Variants in KANSL1 observed in about 807,000 individuals in gnomAD.
KANSL1 encodes MLL1/MLL complex subunit KANSL1.
A neutral mutation model predicts 103.6 loss-of-function variants in KANSL1; 22 were observed. That is an observed-to-expected ratio of 0.21 (90% CI 0.15 to 0.30). KANSL1 has a LOEUF of 0.30. Among genes scored for constraint, KANSL1 ranks in the 10% least tolerant of loss-of-function variants. KANSL1 has a pLI of 1.00. For missense variants in KANSL1, 1,337 were observed against 1,399.8 expected (o/e 0.96, Z 0.72); for synonymous variants, 600 against 527.6 (o/e 1.14, Z -1.88).
upstream of KANSL1, among the ~76,000 whole-genome samples, chr17:46,197,010 A>G (rs1038954211): frequency 6.6e-6 from 1 of 152,174 alleles, no homozygotes; most frequent in Admixed American, 6.5e-5. Flanking sequence ...AGCTACTCAG[A>G]GGCTCAGGCA....
chr17:46,199,769 T>G (rs2047732459), intron 1 of KANSL1, among the ~76,000 whole-genome samples: 1 of 152,218 alleles, frequency 6.6e-6, no homozygotes, highest in Non-Finnish European at 1.5e-5. Context: ...CTGTTGTAGG[T>G]TAAACCTAAA....
chr17:46,129,951 C>T (rs1315664489), intron 2 of KANSL1, among the ~76,000 whole-genome samples: 2 of 151,938 alleles, frequency 1.3e-5, no homozygotes, highest in African/African-American at 4.8e-5. Context: ...TTTGGGAGGC[C>T]GACACAGGCA....
chr17:46,166,213 C>CCAAA (rs1555573289), intron 2 of KANSL1, among the ~76,000 whole-genome samples: 12 of 95,102 alleles, frequency 1.3e-4, no homozygotes, highest in Non-Finnish European at 2.1e-4. Flanking sequence ...GACTCTGTCT[C>CCAAA]AAAAAAAAAA....
At chr17:46,074,777 A>C (rs1270949014) in intron 4 of KANSL1, among the ~76,000 whole-genome samples, 1 of 111,268 alleles carries the variant, frequency 9.0e-6, no homozygotes, top group Non-Finnish European at 2.4e-5. Flanking sequence ...ATAAATAAAT[A>C]AATAAATAAA....
intron 4 of KANSL1, among the ~76,000 whole-genome samples, chr17:46,076,709 A>G (rs2146763318): frequency 6.6e-6 from 1 of 152,158 alleles, no homozygotes; most frequent in Middle Eastern, 3.4e-3. Flanking sequence ...CACTTATGTA[A>G]TCTTTTTCAG....
intron 2 of KANSL1, among the ~76,000 whole-genome samples, chr17:46,114,069 A>G (rs192631631): frequency 6.6e-6 from 1 of 152,306 alleles, no homozygotes; most frequent in Admixed American, 6.5e-5. Context: ...GATAAGAAAA[A>G]GATGCTCAGG....
At chr17:46,100,444 C>CAA (rs369274727) in intron 2 of KANSL1, among the ~76,000 whole-genome samples, 36 of 88,266 alleles carry the variant, frequency 4.1e-4, no homozygotes, top group African/African-American at 9.7e-4. Context: ...TCCCTCTCCC[C>CAA]AAAAAAAAAA....
At chr17:46,101,891 G>A (rs2042338306) in intron 2 of KANSL1, among the ~76,000 whole-genome samples, 1 of 151,822 alleles carries the variant, frequency 6.6e-6, no homozygotes, top group Admixed American at 6.6e-5. Flanking sequence ...ATAAATTCAG[G>A]AAACAAGTGT....
chr17:46,066,711 G>A lies in KANSL1; in HGVS notation c.1674C>T (p.Asp558=). ...CATCAGAGCTGTCACCTGGAATGTG[G>A]TCTGCCAAGACAGGCTGAAGACTAT... is the stretch of plus-strand genomic sequence containing the variant. ...VINTLQPVLA[D]HIPGDSSDAE... Residue 558 remains aspartate (D), a synonymous_variant, in exon 6 of 15, where the codon GAC becomes GAT. Coordinates refer to ENST00000432791, the MANE Select transcript of KANSL1 (RefSeq NM_015443.4). The A allele has an allele frequency of 1.2e-6, 2 of 1,613,930 alleles. No homozygotes were observed. The highest frequency in any genetic ancestry group is 8.5e-7 in the Non-Finnish European group (1 of 1,179,906).
At chr17:46,125,874 AAT>A (rs1471967404) in intron 2 of KANSL1, among the ~76,000 whole-genome samples, 1 of 152,370 alleles carries the variant, frequency 6.6e-6, no homozygotes, top group East Asian at 1.9e-4. Flanking sequence ...TAATACTAAA[AAT>A]AGTTACCTCT....
intron 4 of KANSL1, among the ~76,000 whole-genome samples, chr17:46,073,956 T>TTA (rs908904933): frequency 2.4e-4 from 36 of 152,030 alleles, no homozygotes; most frequent in South Asian, 1.3e-3. Flanking sequence ...TTACGGTTTT[T>TTA]TATATATATA....
chr17:46,145,764 T>A (rs904953567), intron 2 of KANSL1, among the ~76,000 whole-genome samples: 3 of 152,248 alleles, frequency 2.0e-5, no homozygotes, highest in Non-Finnish European at 4.4e-5. Flanking sequence ...AGTGACTCTC[T>A]GTCACCCAGG....
chr17:46,215,814 G>T (rs2048322150), intron 1 of KANSL1, among the ~76,000 whole-genome samples: 2 of 152,220 alleles, frequency 1.3e-5, no homozygotes, highest in African/African-American at 4.8e-5. Context: ...GCTGAGGCAG[G>T]TGGATCACCT....
In KANSL1 at chr17:46,171,848, T is replaced by C. The variant is rs754727332; in HGVS notation, c.296A>G (p.Gln99Arg). The change falls in exon 2 of 15, where the codon CAA becomes CGA. Residue 99 changes from glutamine to arginine, a missense_variant. Around this residue, in one of 2 missense-constraint regions of KANSL1, gnomAD observed 557 missense variants for 476.4 expected, o/e 1.17. Coordinates refer to ENST00000432791, the MANE Select transcript of KANSL1 (RefSeq NM_015443.4). ...SVPSKESLKL[Q>R]GVFSKQTVLK... ...GACTGTCTGCTTGCTGAAGACCCCT[T>C]GCAACTTCAAAGACTCCTTTGAGGG... The C allele has an allele frequency of 9.5e-5, 154 of 1,614,176 alleles. No homozygotes were observed. The Middle Eastern group carries it at 4.3e-3, about 45-fold the overall frequency.
chr17:46,190,563 A>C (rs1419236915), intron 1 of KANSL1, among the ~76,000 whole-genome samples: 1 of 152,246 alleles, frequency 6.6e-6, no homozygotes, highest in Admixed American at 6.5e-5. Flanking sequence ...TTCTTAACTG[A>C]TCATTCTTTT....
chr17:46,135,565 A>G (rs2044094738), intron 2 of KANSL1, among the ~76,000 whole-genome samples: 1 of 104,652 alleles, frequency 9.6e-6, no homozygotes, highest in Non-Finnish European at 2.4e-5. Flanking sequence ...TTTTTTTGAG[A>G]CAGAGTCTCA....
intron 2 of KANSL1, among the ~76,000 whole-genome samples, chr17:46,148,468 T>G (rs988930282): frequency 1.3e-5 from 2 of 152,218 alleles, no homozygotes; most frequent in African/African-American, 2.4e-5. Flanking sequence ...AACGTTCCTA[T>G]CTCTCAAGAT....
Position 46,033,072 on chromosome 17 carries a change from C to T in KANSL1, c.2837+8G>A, listed in dbSNP as rs1057521434. On this transcript the variant is annotated splice_region_variant and intron_variant, in intron 13 of 14. Coordinates refer to ENST00000432791, the MANE Select transcript of KANSL1 (RefSeq NM_015443.4). ...ACAGGCCCTGGGGACCCAAGCCTGC[C>T]CCATCACCTGCTGCCCCGCCGCTGG... 10 of 1,561,174 alleles carry T rather than the reference C, an allele frequency of 6.4e-6. No individual in the cohort carries two copies. The highest frequency in any genetic ancestry group is 5.6e-5 in the Admixed American group (3 of 53,264).
chr17:46,204,796 G>C (rs906564416), intron 1 of KANSL1, among the ~76,000 whole-genome samples: 1 of 152,172 alleles, frequency 6.6e-6, no homozygotes, highest in Non-Finnish European at 1.5e-5. Context: ...CTTAACTTCT[G>C]AAAATCAATT....
Sources: allele counts gnomAD v4.1 joint callset (sites outside exome capture counted in the v4.1 genomes callset), GRCh38; gene constraint gnomAD v4.1.1; regional missense constraint gnomAD v4.1.1; transcripts MANE v1.5; gene names NCBI Gene and HGNC (gene_info 2026-07-23, HGNC 2026-07-21).